Variants in AMOTL1 observed in about 807,000 individuals in gnomAD.
AMOTL1 encodes angiomotin-like protein 1.
Under a neutral mutation model 102.9 loss-of-function variants are expected in AMOTL1, and 45 were observed. The observed-to-expected ratio is 0.44, with a 90% CI of 0.34 to 0.56. The LOEUF (loss-of-function observed/expected upper bound fraction) is 0.56, where lower values mean the gene tolerates loss of function less well. AMOTL1 is among the 20% of genes least tolerant of loss of function. The pLI is 0.01. For missense variants in AMOTL1, 1,114 were observed against 1,225.6 expected, an observed-to-expected ratio of 0.91 and a Z score of 1.36; for synonymous variants, 481 against 484.7, an observed-to-expected ratio of 0.99 and a Z score of 0.10.
chr11:94,864,623 A>G, intron 9 of AMOTL1, 112 bp from the exon 10 acceptor site: 1 of 1,447,806 alleles, frequency 6.9e-7, no homozygotes, highest in Non-Finnish European at 9.3e-7. Context: ...TGCGAGATGC[A>G]GAGCTGATCT....
chr11:94,766,789 G>C (rs1049501272), upstream of AMOTL1, among the ~76,000 whole-genome samples: 3 of 152,182 alleles, frequency 2.0e-5, no homozygotes, highest in Non-Finnish European at 2.9e-5. Flanking sequence ...TCATTCAACA[G>C]CTATGCCTGA....
chr11:94,719,909 A>G (rs1438521453), intron 1 of AMOTL1, among the ~76,000 whole-genome samples: 1 of 152,102 alleles, frequency 6.6e-6, no homozygotes, highest in Non-Finnish European at 1.5e-5. Flanking sequence ...ACGGGCACCC[A>G]AGGATCTGCC....
rs655900 is a variant in AMOTL1 at position 94,864,893 on chromosome 11, C to T, written c.2261+33C>T. 11,049 of 1,601,016 alleles carry T rather than the reference C, an allele frequency of 6.9e-3. 644 individuals are homozygous for T. The African/African-American group carries it at 0.13, about 18-fold the overall frequency. ...ACGACTATGTGTGACGTGTGGGGCC[C>T]GCTGCATTCACACTCCAGGCCTTCC... On this transcript the variant is annotated intron_variant, in intron 10 of 12. Coordinates refer to ENST00000433060, the MANE Select transcript of AMOTL1 (RefSeq NM_130847.3).
At chr11:94,843,030 C>T in intron 6 of AMOTL1, among the ~76,000 whole-genome samples, 1 of 152,178 alleles carries the variant, frequency 6.6e-6, no homozygotes, top group East Asian at 1.9e-4. Context: ...ATCCAGCTGC[C>T]TGGCAGAACC....
At chr11:94,868,417 A>G (rs571427054) in intron 11 of AMOTL1, among the ~76,000 whole-genome samples, 40 of 152,268 alleles carry the variant, frequency 2.6e-4, no homozygotes, top group Admixed American at 2.5e-3. Context: ...TCTGAGGAAA[A>G]TGGACACCTC....
chr11:94,867,154 T>G (rs1952900774), intron 11 of AMOTL1, among the ~76,000 whole-genome samples: 1 of 152,096 alleles, frequency 6.6e-6, no homozygotes, highest in Non-Finnish European at 1.5e-5. Flanking sequence ...GGATAAGAGC[T>G]TCCATATGAA....
chr11:94,810,496 CAAA>C (rs5793699), intron 3 of AMOTL1, among the ~76,000 whole-genome samples: 1 of 133,502 alleles, frequency 7.5e-6, no homozygotes, highest in Non-Finnish European at 1.6e-5. Context: ...TATTTTAGTC[CAAA>C]AAAAAAAAAA....
chr11:94,718,750 T>C (rs1565325702), intron 1 of AMOTL1, among the ~76,000 whole-genome samples: 1 of 149,366 alleles, frequency 6.7e-6, no homozygotes, highest in African/African-American at 2.4e-5. Flanking sequence ...TTCTGTTGAT[T>C]GTCAGTTTAT....
chr11:94,851,368 T>C lies in AMOTL1; in HGVS notation c.1794+1109T>C, dbSNP rs150032649. Among the ~76,000 whole-genome samples, 298 of 152,364 alleles carry C rather than the reference T, an allele frequency of 2.0e-3. 2 individuals are homozygous for C. Among genetic ancestry groups the C allele is most frequent in the African/African-American group, 7.0e-3 (291 of 41,592 alleles). ...ATTAAAGTAAAAATTAGTTGTGAGCTTCTTGAAGACAAGTTATAACAACCA... is the reference window on the plus strand; with the variant it reads ...ATTAAAGTAAAAATTAGTTGTGAGCCTCTTGAAGACAAGTTATAACAACCA... On this transcript the variant is annotated intron_variant, in intron 7 of 12. Coordinates refer to ENST00000433060, the MANE Select transcript of AMOTL1 (RefSeq NM_130847.3).
At chr11:94,847,460 T>C (rs1423642102) in intron 6 of AMOTL1, among the ~76,000 whole-genome samples, 2 of 152,180 alleles carry the variant, frequency 1.3e-5, no homozygotes, top group Admixed American at 1.3e-4. Context: ...GATGCTCTTA[T>C]TGGCCCAGGG....
chr11:94,730,344 T>C (rs1265471704), intron 2 of AMOTL1, among the ~76,000 whole-genome samples: 1 of 152,142 alleles, frequency 6.6e-6, no homozygotes, highest in Non-Finnish European at 1.5e-5. Flanking sequence ...AGGCTGCTAT[T>C]ATCATCTCTC....
At chr11:94,793,087 T>C (rs1951313569) in intron 1 of AMOTL1, among the ~76,000 whole-genome samples, 1 of 152,112 alleles carries the variant, frequency 6.6e-6, no homozygotes. Flanking sequence ...CACACACACA[T>C]ATATATTTTA....
chr11:94,867,213 G>C (rs1952901987), intron 11 of AMOTL1, among the ~76,000 whole-genome samples: 1 of 152,120 alleles, frequency 6.6e-6, no homozygotes, highest in Admixed American at 6.5e-5. Flanking sequence ...ATCTGTGTTT[G>C]AAGTCCCTCC....
chr11:94,776,903 A>T (rs2135525594), intron 1 of AMOTL1, among the ~76,000 whole-genome samples: 1 of 152,306 alleles, frequency 6.6e-6, no homozygotes, highest in Non-Finnish European at 1.5e-5. Context: ...TTATAGGTTG[A>T]TTACTCATCC....
In AMOTL1 at chr11:94,848,329, G is replaced by A. The variant is rs564720609; in HGVS notation, c.1649-1785G>A. Among the ~76,000 whole-genome samples, 4 of 152,268 alleles carry A rather than the reference G, an allele frequency of 2.6e-5. No individual in the cohort carries two copies. In the East Asian group the frequency reaches 7.7e-4, roughly 29 times the overall value. ...ATGCTGCAGAAAGGAAGAAGGGGCA[G>A]TGCAGTGGGTCACTGCAGTGGGGCA... is the stretch of plus-strand genomic sequence containing the variant. On this transcript the variant is annotated intron_variant, in intron 6 of 12. Coordinates refer to ENST00000433060, the MANE Select transcript of AMOTL1 (RefSeq NM_130847.3).
chr11:94,773,564 T>C (rs779802560), intron 1 of AMOTL1, among the ~76,000 whole-genome samples: 1 of 152,166 alleles, frequency 6.6e-6, no homozygotes, highest in Non-Finnish European at 1.5e-5. Flanking sequence ...GTACTGTGGG[T>C]GCTCTGAGGA....
At chr11:94,846,528 C>T (rs754880736) in intron 6 of AMOTL1, among the ~76,000 whole-genome samples, 3 of 152,284 alleles carry the variant, frequency 2.0e-5, no homozygotes, top group African/African-American at 7.2e-5. Context: ...TGAACCCAGG[C>T]AGTACTCTGA....
At chr11:94,743,805 C>T (rs941948981) in intron 3 of AMOTL1, among the ~76,000 whole-genome samples, 2 of 151,824 alleles carry the variant, frequency 1.3e-5, no homozygotes, top group Non-Finnish European at 2.9e-5. Flanking sequence ...ATTACAGGTG[C>T]CCGCCACCAT....
intron 6 of AMOTL1, among the ~76,000 whole-genome samples, chr11:94,837,731 T>C (rs190304500): frequency 6.6e-6 from 1 of 152,232 alleles, no homozygotes; most frequent in Non-Finnish European, 1.5e-5. Context: ...ATTGAAGAAG[T>C]GCCTATTGGT....
Sources: allele counts gnomAD v4.1 joint callset (sites outside exome capture counted in the v4.1 genomes callset), GRCh38; gene constraint gnomAD v4.1.1; transcripts MANE v1.5; gene names NCBI Gene and HGNC (gene_info 2026-07-23, HGNC 2026-07-21).